The following PCDH15 variants were observed in gnomAD, a reference collection of about 807,000 sequenced individuals.
PCDH15 encodes the protein protocadherin related 15, also known as protocadherin-15.
Under a neutral mutation model 178.5 loss-of-function variants are expected in PCDH15, and 129 were observed. The observed-to-expected ratio is 0.72, with a 90% confidence interval of 0.63 to 0.84. PCDH15 has a LOEUF of 0.84. Among genes scored for constraint, PCDH15 ranks in the 40% least tolerant of loss-of-function variants. The pLI, the probability that PCDH15 is intolerant of heterozygous loss-of-function variation, is 0.00. For missense variants in PCDH15, 2,230 were observed against 2,099.9 expected (o/e 1.06, Z -1.21); for synonymous variants, 800 against 732.0 (o/e 1.09, Z -1.50).
chr10:53,838,217 C>T (rs2077425331), intron 29 of PCDH15, among the ~76,000 whole-genome samples: 1 of 151,954 alleles, frequency 6.6e-6, no homozygotes, highest in African/African-American at 2.4e-5. Context: ...CCTCGTGATC[C>T]ACCCACCTCG....
chr10:55,466,403 C>T (rs1225943175), intron 2 of PCDH15, among the ~76,000 whole-genome samples: 1 of 151,794 alleles, frequency 6.6e-6, no homozygotes, highest in Non-Finnish European at 1.5e-5. Context: ...TGTGATGATC[C>T]ACAATAAATA....
intron 3 of PCDH15, among the ~76,000 whole-genome samples, chr10:54,457,948 T>C (rs1443181303): frequency 1.3e-5 from 2 of 152,192 alleles, no homozygotes; most frequent in African/African-American, 4.8e-5. Flanking sequence ...GGATGTTGTT[T>C]CCATACATCA....
intron 2 of PCDH15, among the ~76,000 whole-genome samples, chr10:55,467,966 CAAAAAAAAAAA>C (rs71463104): frequency 1.1e-4 from 4 of 36,638 alleles, no homozygotes; most frequent in South Asian, 1.2e-3. Flanking sequence ...GACTCCGTCT[CAAAAAAAAAAA>C]AAAAAAAAAA....
chr10:55,101,413 T>TG (rs34372359), intron 2 of PCDH15, among the ~76,000 whole-genome samples: 1 of 151,570 alleles, frequency 6.6e-6, no homozygotes, highest in Non-Finnish European at 1.5e-5. Context: ...AAACTTTTTT[T>TG]TTTTTATGGC....
At chr10:54,624,796 G>A (rs753843746) in intron 2 of PCDH15, among the ~76,000 whole-genome samples, 1 of 152,210 alleles carries the variant, frequency 6.6e-6, no homozygotes, top group Non-Finnish European at 1.5e-5. Context: ...CTGTGCATAT[G>A]AGGGGTCTAG....
chr10:54,908,395 A>C (rs1225430006), intron 2 of PCDH15, among the ~76,000 whole-genome samples: 1 of 152,140 alleles, frequency 6.6e-6, no homozygotes, highest in Non-Finnish European at 1.5e-5. Flanking sequence ...GTGTGGTGCC[A>C]GAAACTTGGA....
intron 2 of PCDH15, among the ~76,000 whole-genome samples, chr10:54,922,761 T>C (rs1837526852): frequency 1.3e-5 from 2 of 152,146 alleles, no homozygotes; most frequent in African/African-American, 4.8e-5. Context: ...CTTGGGAAGC[T>C]CCACCTCTGT....
chr10:55,604,747 T>A, intron 2 of PCDH15, among the ~76,000 whole-genome samples: 1 of 131,420 alleles, frequency 7.6e-6, no homozygotes, highest in Non-Finnish European at 1.6e-5. Context: ...TTCAAAGCAG[T>A]GTGTAGAGGG....
chr10:54,970,146 C>G (rs1284178112), intron 2 of PCDH15, among the ~76,000 whole-genome samples: 1 of 152,164 alleles, frequency 6.6e-6, no homozygotes, highest in Non-Finnish European at 1.5e-5. Flanking sequence ...TTCTGCCATG[C>G]AAGTACACAG....
intron 2 of PCDH15, among the ~76,000 whole-genome samples, chr10:54,647,633 A>T (rs1351980515): frequency 6.6e-6 from 1 of 152,108 alleles, no homozygotes; most frequent in Non-Finnish European, 1.5e-5. Flanking sequence ...GATAGCTTGA[A>T]ATTTTAACCT....
chr10:54,659,028 A>G (rs1228345029), intron 2 of PCDH15, among the ~76,000 whole-genome samples: 1 of 151,166 alleles, frequency 6.6e-6, no homozygotes, highest in East Asian at 2.0e-4. Flanking sequence ...CAAGAAAGGT[A>G]AAAAAAAAGA....
At chr10:53,894,499 T>C (rs2081814133) in intron 26 of PCDH15, among the ~76,000 whole-genome samples, 1 of 152,154 alleles carries the variant, frequency 6.6e-6, no homozygotes, top group African/African-American at 2.4e-5. Context: ...GAACCAAAAT[T>C]AGTGTTTTAT....
At chr10:54,099,211 T>C (rs949071329) in intron 15 of PCDH15, among the ~76,000 whole-genome samples, 1 of 151,950 alleles carries the variant, frequency 6.6e-6, no homozygotes, top group African/African-American at 2.4e-5. Flanking sequence ...TTAAAAACAA[T>C]AGACACAGGC....
rs770184435 is a variant in PCDH15 at position 54,195,699 on chromosome 10, T to C, written c.1289A>G (p.Asp430Gly). The C allele has an allele frequency of 6.2e-7, 1 of 1,613,778 alleles. No individual in the cohort carries two copies. Among genetic ancestry groups the C allele is most frequent in the Non-Finnish European group, 8.5e-7 (1 of 1,179,714 alleles). ...TTAACTTACATCTTCTATGTCCTTG[T>C]CCAGAGCTACTATTCTTAAAGGTGA... ...LTSPLRIVAL[D>G]KDIEDTKDPE... Residue 430 changes from aspartate to glycine, a missense_variant, in exon 11 of 38, where the codon GAC becomes GGC. Asp to Gly is a moderately conservative substitution (Grantham distance 94, BLOSUM62 -1). Transcript: ENST00000644397.
At chr10:54,598,465 A>G (rs1261037098) in intron 2 of PCDH15, among the ~76,000 whole-genome samples, 1 of 152,152 alleles carries the variant, frequency 6.6e-6, no homozygotes, top group East Asian at 1.9e-4. Context: ...GTATTGAAGG[A>G]ATATACCTCA....
chr10:55,419,430 C>T (rs1838565027), intron 2 of PCDH15, among the ~76,000 whole-genome samples: 1 of 151,732 alleles, frequency 6.6e-6, no homozygotes, highest in South Asian at 2.1e-4. Context: ...GTGATGTGAA[C>T]TGTAACAGCA....
chr10:54,747,972 A>C (rs1172526295), intron 1 of PCDH15, among the ~76,000 whole-genome samples: 1 of 151,830 alleles, frequency 6.6e-6, no homozygotes, highest in Non-Finnish European at 1.5e-5. Context: ...CGCCCGGCTA[A>C]TTTTTTGTAT....
chr10:53,972,608 C>A (rs1411700846), intron 21 of PCDH15, among the ~76,000 whole-genome samples: 1 of 152,178 alleles, frequency 6.6e-6, no homozygotes, highest in Non-Finnish European at 1.5e-5. Flanking sequence ...AATCAAACAA[C>A]CCCATCAAAA....
At chr10:54,467,894 G>C (rs756896063) in intron 3 of PCDH15, among the ~76,000 whole-genome samples, 1 of 151,464 alleles carries the variant, frequency 6.6e-6, no homozygotes, top group Non-Finnish European at 1.5e-5. Flanking sequence ...ATTCAATATT[G>C]GCAGATTATA....
Sources: gnomAD v4.1 joint callset for allele counts (sites outside exome capture counted in the v4.1 genomes callset) on GRCh38, gnomAD v4.1.1 for gene constraint, MANE v1.5 for transcripts, NCBI Gene and HGNC (gene_info 2026-07-23, HGNC 2026-07-21) for gene names.